The following ADAMTS17 variants were observed in gnomAD, a reference collection of about 807,000 sequenced individuals.
The protein encoded by ADAMTS17 is A disintegrin and metalloproteinase with thrombospondin motifs 17.
Under a neutral mutation model 141.5 loss-of-function variants are expected in ADAMTS17, and 113 were observed. The ratio of observed to expected loss-of-function variants is 0.80; its 90% CI spans 0.69 to 0.93. The LOEUF is 0.93. Ranked by LOEUF, ADAMTS17 falls within the 40% of genes least tolerant of loss-of-function variation. The pLI is 0.00. For missense variants in ADAMTS17, 1,659 were observed against 1,517.9 expected (o/e 1.09, Z -1.54); for synonymous variants, 768 against 630.6 (o/e 1.22, Z -3.27).
At chr15:100,339,216 T>A in intron 2 of ADAMTS17, 1 of 957,200 alleles carries the variant, frequency 1.0e-6, no homozygotes, top group Non-Finnish European at 1.2e-6. Flanking sequence ...GCCGAGAAGC[T>A]GGCTGAGATG....
chr15:100,053,042 A>C (rs867041899), intron 16 of ADAMTS17, among the ~76,000 whole-genome samples: 1 of 152,322 alleles, frequency 6.6e-6, no homozygotes, highest in African/African-American at 2.4e-5. Flanking sequence ...GAGATCACAA[A>C]TTAACGGGGA....
chr15:100,140,551 C>T (rs1178497152), intron 10 of ADAMTS17, among the ~76,000 whole-genome samples: 3 of 144,352 alleles, frequency 2.1e-5, no homozygotes, highest in East Asian at 4.2e-4. Context: ...TGAATACTTT[C>T]ATCTGTAAAC....
intron 8 of ADAMTS17, among the ~76,000 whole-genome samples, chr15:100,164,513 A>G (rs1287425794): frequency 6.6e-6 from 1 of 152,230 alleles, no homozygotes; most frequent in Non-Finnish European, 1.5e-5. Flanking sequence ...GTCACATGCG[A>G]AAACAGCCAC....
chr15:100,304,156 C>T (rs1567513245), intron 3 of ADAMTS17, among the ~76,000 whole-genome samples: 1 of 152,152 alleles, frequency 6.6e-6, no homozygotes, highest in Non-Finnish European at 1.5e-5. Context: ...CATCTCGAAC[C>T]TCTCAGGTAG....
At chr15:100,066,311 T>C (rs2033521082) in intron 15 of ADAMTS17, among the ~76,000 whole-genome samples, 1 of 152,198 alleles carries the variant, frequency 6.6e-6, no homozygotes, top group East Asian at 1.9e-4. Flanking sequence ...TCCCAAACCA[T>C]ACCAAGAACT....
At chr15:100,333,190 G>C (rs957129646) in intron 2 of ADAMTS17, among the ~76,000 whole-genome samples, 1 of 152,002 alleles carries the variant, frequency 6.6e-6, no homozygotes, top group Non-Finnish European at 1.5e-5. Flanking sequence ...ACTACCCCAT[G>C]TTATAGGACC....
At chr15:100,200,318 G>A (rs188266062) in intron 7 of ADAMTS17, among the ~76,000 whole-genome samples, 9 of 152,216 alleles carry the variant, frequency 5.9e-5, no homozygotes, top group Non-Finnish European at 1.0e-4. Flanking sequence ...GCAGAGGGAC[G>A]CATAGGATGA....
At chr15:100,172,711 T>C (rs925634307) in intron 8 of ADAMTS17, among the ~76,000 whole-genome samples, 1 of 152,170 alleles carries the variant, frequency 6.6e-6, no homozygotes, top group Non-Finnish European at 1.5e-5. Context: ...CCCTAGCCAA[T>C]ACGGGAACAA....
At chr15:100,099,263 G>A (rs550066037) in intron 14 of ADAMTS17, among the ~76,000 whole-genome samples, 1 of 152,298 alleles carries the variant, frequency 6.6e-6, no homozygotes, top group Admixed American at 6.5e-5. Flanking sequence ...GGAATGCAGG[G>A]CTGTCCATGT....
chr15:99,987,246 C>T (rs1267653803), intron 20 of ADAMTS17, among the ~76,000 whole-genome samples: 1 of 152,200 alleles, frequency 6.6e-6, no homozygotes, highest in African/African-American at 2.4e-5. Context: ...TCGAAGCTTC[C>T]ATCTGCTGGA....
Position 100,024,171 on chromosome 15 carries a change from C to T in ADAMTS17, c.2591+24686G>A, listed in dbSNP as rs1389721094. ...GGCAGTGGTACAATTCAGCTCAGTACAGCCTCGAACTCCTGGGCTCAAGCA... is the reference window on the plus strand; with the variant it reads ...GGCAGTGGTACAATTCAGCTCAGTATAGCCTCGAACTCCTGGGCTCAAGCA... On this transcript the variant is annotated intron_variant, in intron 18 of 21. Transcript: ENST00000268070. Among the ~76,000 whole-genome samples the T allele has an allele frequency of 3.9e-5, 6 of 152,194 alleles. No individual in the cohort carries two copies. The East Asian group carries it at 5.8e-4, about 15-fold the overall frequency.
chr15:100,188,634 AT>A (rs1332488724), intron 8 of ADAMTS17, among the ~76,000 whole-genome samples: 1 of 152,210 alleles, frequency 6.6e-6, no homozygotes, highest in African/African-American at 2.4e-5. Flanking sequence ...AGGTTTTATA[AT>A]GTGTCAAGTC....
At chr15:100,065,983 TTC>T (rs1484686600) in intron 15 of ADAMTS17, among the ~76,000 whole-genome samples, 1 of 152,246 alleles carries the variant, frequency 6.6e-6, no homozygotes, top group Non-Finnish European at 1.5e-5. Context: ...GTGTTTGGTT[TTC>T]TGTTTTTGTG....
chr15:100,116,158 A>C (rs1019940384), intron 13 of ADAMTS17, among the ~76,000 whole-genome samples: 2 of 132,964 alleles, frequency 1.5e-5, no homozygotes, highest in Non-Finnish European at 1.7e-5. Flanking sequence ...AAAAAAAAAA[A>C]CCCAACAACC....
intron 20 of ADAMTS17, among the ~76,000 whole-genome samples, chr15:99,991,662 C>T (rs1270705794): frequency 6.6e-6 from 1 of 152,172 alleles, no homozygotes; most frequent in African/African-American, 2.4e-5. Context: ...CCCAGCAATC[C>T]CTTTACTGAA....
At chr15:100,188,405 A>AC (rs1344063642) in intron 8 of ADAMTS17, among the ~76,000 whole-genome samples, 6 of 151,846 alleles carry the variant, frequency 4.0e-5, no homozygotes, top group Non-Finnish European at 5.9e-5. Flanking sequence ...AAAAAAAAAA[A>AC]ACAAGAACAC....
chr15:100,330,693 C>T (rs572654414), intron 3 of ADAMTS17, among the ~76,000 whole-genome samples, 196 bp downstream of exon 3: 8 of 152,202 alleles, frequency 5.3e-5, no homozygotes, highest in Middle Eastern at 3.4e-3. Flanking sequence ...AGAAACAAAA[C>T]GATGACTTTT....
At chr15:100,021,891 A>C (rs1336316861) in intron 18 of ADAMTS17, among the ~76,000 whole-genome samples, 3 of 151,866 alleles carry the variant, frequency 2.0e-5, no homozygotes, top group Non-Finnish European at 4.4e-5. Context: ...TCGGTTGGCC[A>C]ATGTCAAGCG....
chr15:100,295,987 C>T (rs1027227753), intron 3 of ADAMTS17, among the ~76,000 whole-genome samples: 2 of 152,092 alleles, frequency 1.3e-5, no homozygotes, highest in African/African-American at 2.4e-5. Context: ...CACCATTTAA[C>T]AAAAACCAGT....
Sources: gnomAD v4.1 joint callset for allele counts (sites outside exome capture counted in the v4.1 genomes callset) on GRCh38, gnomAD v4.1.1 for gene constraint, MANE v1.5 for transcripts, NCBI Gene and HGNC (gene_info 2026-07-23, HGNC 2026-07-21) for gene names.